FDFT1: variants seen among roughly 807,000 people sequenced by gnomAD.
FDFT1 encodes the protein farnesyl-diphosphate farnesyltransferase 1.
FDFT1 carries 68 observed loss-of-function variants against 46.8 expected under a neutral mutation model. That is an observed-to-expected ratio of 1.45 (90% CI 1.19 to 1.78). FDFT1 has a LOEUF of 1.78. FDFT1 is among the 40% of genes most tolerant of loss of function. The pLI is 0.00. For synonymous variants in FDFT1, 351 were observed against 185.1 expected, an observed-to-expected ratio of 1.90 and a Z score of -7.28; for missense variants, 928 against 524.4, an observed-to-expected ratio of 1.77 and a Z score of -7.52.
At chr8:11,804,439 T>C (rs866187443) in intron 1 of FDFT1, among the ~76,000 whole-genome samples, 4 of 152,294 alleles carry the variant, frequency 2.6e-5, no homozygotes, top group Middle Eastern at 6.8e-3. Context: ...CTTGAGCTAT[T>C]CTAGCTCTGA....
At chr8:11,811,632 G>C (rs1288225563) in intron 3 of FDFT1, among the ~76,000 whole-genome samples, 4 of 152,216 alleles carry the variant, frequency 2.6e-5, no homozygotes, top group Non-Finnish European at 5.9e-5. Flanking sequence ...AGTTCTGGAA[G>C]GTTTCAGATG....
upstream of FDFT1, among the ~76,000 whole-genome samples, chr8:11,799,952 A>G (rs2130636497): frequency 6.8e-6 from 1 of 147,156 alleles, no homozygotes; most frequent in Non-Finnish European, 1.5e-5. Context: ...TTAAAAAAAA[A>G]AAAAAAATGA....
chr8:11,834,585 C>A (rs560028637), intron 7 of FDFT1, among the ~76,000 whole-genome samples: 1 of 151,460 alleles, frequency 6.6e-6, no homozygotes, highest in African/African-American at 2.4e-5. Flanking sequence ...ATCCAGCCCC[C>A]ACCCAAACGT....
chr8:11,831,733 G>T, intron 7 of FDFT1, 63 bp downstream of exon 7: 1 of 1,323,822 alleles, frequency 7.6e-7, no homozygotes. Flanking sequence ...TAATGTCACT[G>T]TTTAACCAGG....
chr8:11,819,501 CT>C (rs1215460185), intron 3 of FDFT1, among the ~76,000 whole-genome samples: 1 of 152,078 alleles, frequency 6.6e-6, no homozygotes, highest in African/African-American at 2.4e-5. Context: ...TAGCATTGGT[CT>C]TTTCACATAG....
At chr8:11,823,487 T>G (rs942492059) in intron 4 of FDFT1, among the ~76,000 whole-genome samples, 3 of 152,208 alleles carry the variant, frequency 2.0e-5, no homozygotes, top group Admixed American at 2.0e-4. Context: ...CATGTTACTT[T>G]TGTCCCAGAA....
chr8:11,806,671 A>G (rs1317672352), intron 1 of FDFT1, among the ~76,000 whole-genome samples: 1 of 152,182 alleles, frequency 6.6e-6, no homozygotes, highest in Non-Finnish European at 1.5e-5. Context: ...GTGCAGTTAA[A>G]AACACTTCCT....
At chr8:11,803,001 G>A (rs1374445615) in intron 1 of FDFT1, 70 bp downstream of exon 1, 5 of 1,535,172 alleles carry the variant, frequency 3.3e-6, no homozygotes, top group Non-Finnish European at 4.4e-6. Context: ...GGCCTGAGCG[G>A]CCGGGCCCGG....
chr8:11,838,060 T>C (rs1811784144), intron 7 of FDFT1, among the ~76,000 whole-genome samples: 1 of 152,224 alleles, frequency 6.6e-6, no homozygotes, highest in African/African-American at 2.4e-5. Context: ...ACGTGAACTA[T>C]GGTGACGTTT....
rs151322779 is a variant in FDFT1 at position 11,819,549 on chromosome 8, A to T, written c.382-2201A>T. ...TTGAAGCCTTTGTTCATTTCTTTTC[A>T]TTCTTTTTTCTCTAATCTTGTCTTC... On this transcript the variant is annotated intron_variant, in intron 3 of 7. Transcript: ENST00000220584. Among the ~76,000 whole-genome samples, 64 of 151,978 alleles carry T rather than the reference A, an allele frequency of 4.2e-4. No individual in the cohort carries two copies. In the East Asian group the frequency reaches 7.2e-3, roughly 17 times the overall value.
chr8:11,798,040 G>T (rs1805739584), upstream of FDFT1: 1 of 152,228 alleles, frequency 6.6e-6, no homozygotes, highest in Non-Finnish European at 1.5e-5. Flanking sequence ...TTCATTGGAG[G>T]AATTTAAAAT....
At position 11,815,084 on chromosome 8, in the gene FDFT1, G is replaced by C. The variant is rs537898782; in HGVS notation, c.381+5234G>C. Reference sequence around the variant, plus strand: ...CTCCTTGTGTCCATGTGTTCTCATTGTTCAACTCCCACTTAGGAGTGAGAA... The same window carrying C: ...CTCCTTGTGTCCATGTGTTCTCATTCTTCAACTCCCACTTAGGAGTGAGAA... On this transcript the variant is annotated intron_variant, in intron 3 of 7. Coordinates refer to ENST00000220584, the MANE Select transcript of FDFT1 (RefSeq NM_004462.5). 2.2e-4 allele frequency among the ~76,000 whole-genome samples: 34 copies of C among 151,952 alleles called. No individual in the cohort carries two copies. The South Asian group carries it at 6.9e-3, about 31-fold the overall frequency.
rs945651189 is a variant in FDFT1 at position 11,809,655 on chromosome 8, C to T, written c.198-12C>T. The stretch of plus-strand genomic sequence containing the variant: ...TTGTTCCAATATATTAATAGTTTTC[C>T]CTTTTTTACAGCAACGCAGTGTGCA... On this transcript the variant is annotated splice_polypyrimidine_tract_variant and intron_variant, in intron 2 of 7. Coordinates refer to ENST00000220584, the MANE Select transcript of FDFT1 (RefSeq NM_004462.5). The T allele has an allele frequency of 2.5e-6, 4 of 1,579,500 alleles. No homozygotes were observed. In the African/African-American group the frequency reaches 4.1e-5, roughly 16 times the overall value.
chr8:11,806,915 A>G (rs1806918820), intron 1 of FDFT1, among the ~76,000 whole-genome samples: 1 of 152,222 alleles, frequency 6.6e-6, no homozygotes, highest in Non-Finnish European at 1.5e-5. Flanking sequence ...CCCAGTAAAT[A>G]CTTGTTTTTA....
intron 1 of FDFT1, among the ~76,000 whole-genome samples, chr8:11,805,039 C>T (rs2686198): frequency 0.74 from 111,471 of 151,404 alleles, 41,048 homozygotes; most frequent in South Asian, 0.79. Flanking sequence ...TTCCTGATCC[C>T]GAGTAGCTGG....
chr8:11,823,868 C>T (rs1809594819), intron 4 of FDFT1, among the ~76,000 whole-genome samples: 1 of 152,150 alleles, frequency 6.6e-6, no homozygotes. Context: ...CTCAGCCTCC[C>T]CATTAGCTGG....
chr8:11,818,104 T>C (rs933448499), intron 3 of FDFT1, among the ~76,000 whole-genome samples: 14 of 152,264 alleles, frequency 9.2e-5, no homozygotes, highest in African/African-American at 2.4e-4. Context: ...ATTTCTGCTT[T>C]CATTTCGTTA....
chr8:11,827,320 A>C (rs1363791243), intron 5 of FDFT1, among the ~76,000 whole-genome samples: 1 of 152,192 alleles, frequency 6.6e-6, no homozygotes, highest in Admixed American at 6.5e-5. Context: ...CTGAAAGAGC[A>C]AAAATAAAAA....
upstream of FDFT1, among the ~76,000 whole-genome samples, chr8:11,797,630 C>A (rs1170104478): frequency 1.0e-5 from 1 of 98,996 alleles, no homozygotes; most frequent in Non-Finnish European, 1.9e-5. Context: ...CTGTCTCTCA[C>A]ACACACTCAA....
Sources: gnomAD v4.1 joint callset for allele counts (sites outside exome capture counted in the v4.1 genomes callset) on GRCh38, gnomAD v4.1.1 for gene constraint, MANE v1.5 for transcripts, NCBI Gene and HGNC (gene_info 2026-07-23, HGNC 2026-07-21) for gene names.